Variants in COPZ1 observed in about 807,000 individuals in gnomAD.
COPZ1 encodes coatomer subunit zeta-1.
A neutral mutation model predicts 31.7 loss-of-function variants in COPZ1; 4 were observed. The observed-to-expected ratio is 0.13, with a 90% CI of 0.06 to 0.29. The LOEUF (loss-of-function observed/expected upper bound fraction) is 0.29, where lower values mean the gene tolerates loss of function less well. Ranked by LOEUF, COPZ1 falls within the 10% of genes least tolerant of loss-of-function variation. The pLI is 1.00. For synonymous variants in COPZ1, 74 were observed against 79.0 expected (o/e 0.94, Z 0.33); for missense variants, 156 against 211.5 (o/e 0.74, Z 1.63).
chr12:54,346,997 C>G (rs1318719257), intron 5 of COPZ1, among the ~76,000 whole-genome samples: 1 of 152,180 alleles, frequency 6.6e-6, no homozygotes, highest in Non-Finnish European at 1.5e-5. Flanking sequence ...CTGAAAACAT[C>G]CAGGGCTCTG....
In COPZ1 at chr12:54,340,544, C is replaced by T. The variant is rs1953956682; in HGVS notation, c.19-3C>T. On this transcript the variant is annotated splice_region_variant and splice_polypyrimidine_tract_variant and intron_variant, in intron 1 of 8. Coordinates refer to ENST00000262061, the MANE Select transcript of COPZ1 (RefSeq NM_016057.3). The stretch of plus-strand genomic sequence containing the variant: ...GACTGAAGGTATGTTCGTATCTCTT[C>T]AGGAACCTTCCCTGTATACTGTCAA... 1.9e-6 allele frequency: 3 copies of T among 1,613,916 alleles called. No homozygotes were observed. In the African/African-American group the frequency reaches 4.0e-5, roughly 22 times the overall value.
At chr12:54,345,590 G>C (rs1408660069) in intron 5 of COPZ1, 75 bp downstream of exon 5, 4 of 1,201,602 alleles carry the variant, frequency 3.3e-6, no homozygotes, top group Non-Finnish European at 4.9e-6. Flanking sequence ...CTTTTTGGGA[G>C]ATAAAGTAAC....
chr12:54,338,612 T>G (rs1953914290), intron 1 of COPZ1, among the ~76,000 whole-genome samples: 1 of 152,224 alleles, frequency 6.6e-6, no homozygotes, highest in Admixed American at 6.5e-5. Flanking sequence ...GAGGTCTAAT[T>G]ATAAGTAGTC....
Position 54,343,278 on chromosome 12 carries a change from C to A in COPZ1, c.223C>A (p.Leu75Ile), listed in dbSNP as rs775928806. 93 of 1,613,886 alleles carry A rather than the reference C, an allele frequency of 5.8e-5. 1 individual carries two copies. In the Admixed American group the frequency reaches 1.5e-3, roughly 26 times the overall value. The change falls in exon 4 of 9, where the codon CTC (leucine) becomes ATC (isoleucine). Residue 75 changes from leucine (L) to isoleucine (I), a missense_variant. By Grantham distance (5) the Leu-to-Ile change is conservative (BLOSUM62 2). Transcript: ENST00000262061. Reference sequence around the variant, plus strand: ...AGTGGTATACAAAAGCAGTATAGATCTCTATTTCTATGTGATTGGCAGCTC... The same window carrying A: ...AGTGGTATACAAAAGCAGTATAGATATCTATTTCTATGTGATTGGCAGCTC... ...LTVVYKSSID[L>I]YFYVIGSSYE...
chr12:54,326,972 T>C (rs1953664402), intron 1 of COPZ1, among the ~76,000 whole-genome samples: 1 of 70,664 alleles, frequency 1.4e-5, no homozygotes, highest in African/African-American at 5.5e-5. Flanking sequence ...TTTTTTTTTT[T>C]TTTTTTTTTT....
intron 1 of COPZ1, among the ~76,000 whole-genome samples, chr12:54,336,973 G>T (rs1424224713): frequency 7.3e-6 from 1 of 136,298 alleles, no homozygotes; most frequent in Non-Finnish European, 1.5e-5. Context: ...AGTGAGCGGA[G>T]TTTGCTCCAC....
intron 7 of COPZ1, 131 bp from the exon 8 acceptor site, chr12:54,349,489 A>G (rs1259583731): frequency 1.3e-6 from 1 of 784,394 alleles, no homozygotes; most frequent in African/African-American, 1.7e-5. Flanking sequence ...CCTAGAAGGG[A>G]CTGAGAAGTT....
chr12:54,340,786 C>T (rs1337640291), intron 2 of COPZ1, among the ~76,000 whole-genome samples, 171 bp downstream of exon 2: 2 of 151,808 alleles, frequency 1.3e-5, no homozygotes, highest in African/African-American at 2.4e-5. Flanking sequence ...GGCTGGAGTG[C>T]AATGGCGTGA....
chr12:54,333,499 A>C (rs1442881373), intron 1 of COPZ1, among the ~76,000 whole-genome samples: 1 of 152,202 alleles, frequency 6.6e-6, no homozygotes, highest in African/African-American at 2.4e-5. Context: ...GAAGAAGCTG[A>C]ATCTCAGAGA....
intron 1 of COPZ1, among the ~76,000 whole-genome samples, chr12:54,335,306 A>G (rs1953839550): frequency 6.6e-6 from 1 of 152,104 alleles, no homozygotes; most frequent in Non-Finnish European, 1.5e-5. Flanking sequence ...TACTTTATAA[A>G]CAGGATTGAG....
intron 1 of COPZ1, among the ~76,000 whole-genome samples, chr12:54,331,040 T>C (rs888684351): frequency 5.3e-5 from 8 of 152,128 alleles, no homozygotes; most frequent in Non-Finnish European, 1.0e-4. Flanking sequence ...GGCCTTACAT[T>C]CCCTAGCCTG....
In COPZ1 at chr12:54,340,581, T is replaced by G. The variant is rs762602941; in HGVS notation, c.53T>G (p.Ile18Ser). 1 of 1,614,136 alleles carries G rather than the reference T, an allele frequency of 6.2e-7. No individual in the cohort carries two copies. Among genetic ancestry groups the G allele is most frequent in the South Asian group, 1.1e-5 (1 of 91,072 alleles). The change falls in exon 2 of 9, where the codon ATT (isoleucine) becomes AGT (serine). Residue 18 changes from isoleucine to serine, a missense_variant. Ile to Ser is a moderately radical substitution (Grantham distance 142, BLOSUM62 -2). Transcript: ENST00000262061. ...CTGTATACTGTCAAAGCCATCCTGA[T>G]TCTGGACAATGATGGAGATCGACTT... ...PSLYTVKAIL[I>S]LDNDGDRLFA...
At chr12:54,349,000 C>T (rs1954105849) in intron 7 of COPZ1, among the ~76,000 whole-genome samples, 1 of 152,152 alleles carries the variant, frequency 6.6e-6, no homozygotes, top group Non-Finnish European at 1.5e-5. Context: ...TGTCCTGGCT[C>T]TGACCTCCAC....
At chr12:54,349,927 T>C (rs1451273638) in intron 8 of COPZ1, 2 of 595,426 alleles carry the variant, frequency 3.4e-6, no homozygotes, top group Non-Finnish European at 6.0e-6. Context: ...CCTCATTCAG[T>C]GATTTATTCC....
At chr12:54,337,323 C>G (rs781498493) in intron 1 of COPZ1, 3 of 533,372 alleles carry the variant, frequency 5.6e-6, no homozygotes, top group Non-Finnish European at 1.2e-5. Flanking sequence ...TAGCAGCTAC[C>G]CATTTTGGGA....
intron 1 of COPZ1, among the ~76,000 whole-genome samples, chr12:54,333,806 C>T (rs550080162): frequency 6.6e-6 from 1 of 152,172 alleles, no homozygotes; most frequent in Non-Finnish European, 1.5e-5. Context: ...GCCGTCAGTT[C>T]TTCCCGAGTC....
chr12:54,326,630 G>A lies in COPZ1; in HGVS notation c.18+1449G>A, dbSNP rs544282931. Among the ~76,000 whole-genome samples, 8 of 130,528 alleles carry A rather than the reference G, an allele frequency of 6.1e-5. No individual in the cohort carries two copies. In the South Asian group the frequency reaches 1.3e-3, roughly 21 times the overall value. 85.6% of individuals were successfully genotyped at this position (130,528 alleles called of 152,430 possible). The stretch of plus-strand genomic sequence containing the variant: ...TTCTCTCAAAAGTGCCCTATTTTGC[G>A]ATTTGGAGGGGTGTGTGTGTGTGTG... On this transcript the variant is annotated intron_variant, in intron 1 of 8. Transcript: ENST00000262061.
intron 1 of COPZ1, among the ~76,000 whole-genome samples, chr12:54,332,845 CCA>C (rs1463832504): frequency 6.6e-6 from 1 of 151,794 alleles, no homozygotes; most frequent in African/African-American, 2.4e-5. Flanking sequence ...TTTATGAAGG[CCA>C]CACACACATT....
chr12:54,335,389 C>T (rs951150184), intron 1 of COPZ1, among the ~76,000 whole-genome samples: 9 of 151,082 alleles, frequency 6.0e-5, no homozygotes, highest in Non-Finnish European at 1.2e-4. Context: ...ACATCAGGCC[C>T]TTTTGGTATG....
Sources: gnomAD v4.1 joint callset for allele counts (sites outside exome capture counted in the v4.1 genomes callset) on GRCh38, gnomAD v4.1.1 for gene constraint, MANE v1.5 for transcripts, NCBI Gene and HGNC (gene_info 2026-07-23, HGNC 2026-07-21) for gene names.